Variants in TCEA1 observed in about 807,000 individuals in gnomAD.
TCEA1 encodes the protein transcription elongation factor A protein 1.
TCEA1 carries 21 observed loss-of-function variants against 43.8 expected under a neutral mutation model. The ratio of observed to expected loss-of-function variants is 0.48; its 90% CI spans 0.34 to 0.69. The LOEUF (loss-of-function observed/expected upper bound fraction) is 0.69. Among genes scored for constraint, TCEA1 ranks in the 30% least tolerant of loss-of-function variants. TCEA1 has a pLI of 0.01. For missense variants in TCEA1, 250 were observed against 365.1 expected (o/e 0.68, Z 2.57); for synonymous variants, 104 against 117.5 (o/e 0.88, Z 0.75).
chr8:54,002,869 G>A (rs2129309681), intron 2 of TCEA1: 11 of 456,206 alleles, frequency 2.4e-5, no homozygotes, highest in South Asian at 1.7e-4. Context: ...AGAACATCAG[G>A]TATACAGAAA....
intron 1 of TCEA1, among the ~76,000 whole-genome samples, chr8:54,016,323 T>C (rs889505486): frequency 6.6e-6 from 1 of 151,668 alleles, no homozygotes; most frequent in African/African-American, 2.4e-5. Context: ...AAAAATACAA[T>C]AGCCGGGCAT....
At chr8:54,008,073 T>C (rs1272836517) in intron 2 of TCEA1, among the ~76,000 whole-genome samples, 1 of 143,292 alleles carries the variant, frequency 7.0e-6, no homozygotes, top group East Asian at 2.1e-4. Context: ...TCCCAGCTAC[T>C]GGGGAGGCTA....
intron 8 of TCEA1, among the ~76,000 whole-genome samples, chr8:53,970,919 T>C (rs1326220097): frequency 6.6e-6 from 1 of 152,214 alleles, no homozygotes; most frequent in African/African-American, 2.4e-5. Flanking sequence ...CAACAACCTT[T>C]CTAAAAGTTA....
At chr8:54,002,756 A>G (rs943700649) in intron 2 of TCEA1, 2 of 379,622 alleles carry the variant, frequency 5.3e-6, no homozygotes, top group South Asian at 2.0e-5. Context: ...TTGTGGGATT[A>G]TAACTGTTTT....
chr8:54,010,367 A>G lies in TCEA1; in HGVS notation c.126+63T>C, dbSNP rs889488388. ...GACTACAAAAACATATTGGTACTGA[A>G]GATGTTTTGGTATTTTATGACGACT... On this transcript the variant is annotated intron_variant, in intron 2 of 9. Transcript: ENST00000521604. The G allele has an allele frequency of 4.1e-6, 5 of 1,214,232 alleles. No individual in the cohort carries two copies. The African/African-American group carries it at 7.7e-5, about 19-fold the overall frequency. The allele number at this position is 1,214,232 out of a possible 1,614,324, so 75.2% of individuals were successfully genotyped here. A position where few individuals can be genotyped will look rare whatever the true frequency, so the allele number is the denominator to read the frequency against.
Position 54,009,304 on chromosome 8 carries a change from A to G in TCEA1, c.126+1126T>C, listed in dbSNP as rs150591252. ...GAACTAAAAATTGAAGTACCATATGATCCAGCAATCCCACTACCAAATATT... is the reference window on the plus strand; with the variant it reads ...GAACTAAAAATTGAAGTACCATATGGTCCAGCAATCCCACTACCAAATATT... On this transcript the variant is annotated intron_variant, in intron 2 of 9. Transcript: ENST00000521604. Among the ~76,000 whole-genome samples, 31 of 152,336 alleles carry G rather than the reference A, an allele frequency of 2.0e-4. No homozygotes were observed. In the East Asian group the frequency reaches 4.4e-3, roughly 22 times the overall value.
At chr8:54,003,689 A>G (rs574049489) in intron 2 of TCEA1, among the ~76,000 whole-genome samples, 1 of 152,332 alleles carries the variant, frequency 6.6e-6, no homozygotes, top group East Asian at 1.9e-4. Context: ...ACACATAAAA[A>G]TTAACTCAAT....
In TCEA1 at chr8:54,022,161, G is replaced by A. The variant is rs1283024495; in HGVS notation, c.-36C>T. The A allele has an allele frequency of 1.9e-6, 3 of 1,597,714 alleles. No homozygotes were observed. The highest frequency in any genetic ancestry group is 1.1e-5 in the South Asian group (1 of 89,900). On this transcript the variant is annotated 5_prime_UTR_variant, in exon 1 of 10. Transcript: ENST00000521604. ...GGTCTTCTCCGCGCCCACCCCGCTGGCAAGGGGAAGTGGGCGAAGCTGGAG... is the reference window on the plus strand; with the variant it reads ...GGTCTTCTCCGCGCCCACCCCGCTGACAAGGGGAAGTGGGCGAAGCTGGAG...
At chr8:53,993,041 C>T (rs1171018985) in intron 4 of TCEA1, among the ~76,000 whole-genome samples, 1 of 151,154 alleles carries the variant, frequency 6.6e-6, no homozygotes, top group South Asian at 2.1e-4. Context: ...CAACCTCTGC[C>T]TCCCGGGTTC....
At chr8:54,008,492 T>C (rs1333606200) in intron 2 of TCEA1, among the ~76,000 whole-genome samples, 1 of 151,754 alleles carries the variant, frequency 6.6e-6, no homozygotes, top group African/African-American at 2.4e-5. Context: ...AAAAAAAAAT[T>C]TTTTTAATTA....
At chr8:54,007,339 G>A (rs1804502651) in intron 2 of TCEA1, among the ~76,000 whole-genome samples, 1 of 152,056 alleles carries the variant, frequency 6.6e-6, no homozygotes, top group Non-Finnish European at 1.5e-5. Context: ...CCCAATTTGT[G>A]TGTGTGTATT....
At chr8:53,970,731 A>G (rs1803132204) in intron 8 of TCEA1, among the ~76,000 whole-genome samples, 1 of 152,182 alleles carries the variant, frequency 6.6e-6, no homozygotes, top group Non-Finnish European at 1.5e-5. Flanking sequence ...TATATTTTTT[A>G]TAAATAGCTA....
At chr8:53,997,825 G>C (rs1386578714) in intron 3 of TCEA1, among the ~76,000 whole-genome samples, 2 of 152,174 alleles carry the variant, frequency 1.3e-5, no homozygotes, top group African/African-American at 4.8e-5. Context: ...TTGAACCCAG[G>C]AGTTGGAGGT....
At chr8:53,997,742 A>G (rs1470980462) in intron 3 of TCEA1, among the ~76,000 whole-genome samples, 1 of 152,204 alleles carries the variant, frequency 6.6e-6, no homozygotes, top group African/African-American at 2.4e-5. Flanking sequence ...CAAATTAGTA[A>G]ATAAATAACA....
At chr8:53,982,978 T>C (rs932108780) in intron 7 of TCEA1, among the ~76,000 whole-genome samples, 13 of 152,194 alleles carry the variant, frequency 8.5e-5, no homozygotes, top group African/African-American at 3.1e-4. Flanking sequence ...TTCATGAATA[T>C]TTGCTCCATC....
chr8:54,001,463 G>A (rs947425079), intron 2 of TCEA1, among the ~76,000 whole-genome samples: 2 of 152,138 alleles, frequency 1.3e-5, no homozygotes, highest in African/African-American at 4.8e-5. Context: ...GAGCAAAACA[G>A]ACAAGATTGA....
chr8:53,990,200 A>G (rs1803828930), intron 4 of TCEA1, among the ~76,000 whole-genome samples: 1 of 148,110 alleles, frequency 6.8e-6, no homozygotes, highest in African/African-American at 2.5e-5. Context: ...TCTGTCTCCA[A>G]AAAAAAAAAA....
chr8:54,003,478 T>C (rs796078765), intron 2 of TCEA1, among the ~76,000 whole-genome samples: 12 of 152,296 alleles, frequency 7.9e-5, no homozygotes, highest in African/African-American at 2.9e-4. Context: ...GATAGCATAG[T>C]ACTGGCAAAA....
intron 8 of TCEA1, chr8:53,973,280 C>A: frequency 2.0e-6 from 1 of 500,414 alleles, no homozygotes. Context: ...GAAGTGGGTT[C>A]CAGGTCTTAA....
Sources: allele counts gnomAD v4.1 joint callset (sites outside exome capture counted in the v4.1 genomes callset), GRCh38; gene constraint gnomAD v4.1.1; transcripts MANE v1.5; gene names NCBI Gene and HGNC (gene_info 2026-07-23, HGNC 2026-07-21).